Variants in STAU2 observed in about 807,000 individuals in gnomAD.
STAU2 encodes the protein staufen double-stranded RNA binding protein 2.
A neutral mutation model predicts 65.9 loss-of-function variants in STAU2; 20 were observed. That is an observed-to-expected ratio of 0.30 (90% confidence interval 0.21 to 0.44). The LOEUF (loss-of-function observed/expected upper bound fraction) is 0.44. Ranked by LOEUF, STAU2 falls within the 20% of genes least tolerant of loss-of-function variation. The pLI is 1.00. For synonymous variants in STAU2, 232 were observed against 233.9 expected (o/e 0.99, Z 0.07); for missense variants, 558 against 683.9 (o/e 0.82, Z 2.05).
chr8:73,713,583 C>T (rs1199209632), intron 3 of STAU2, among the ~76,000 whole-genome samples: 17 of 152,014 alleles, frequency 1.1e-4, no homozygotes, highest in Admixed American at 1.1e-3. Flanking sequence ...AACAAGGGAA[C>T]GTGAGAGACA....
At chr8:73,637,044 C>T (rs1331671984) in intron 6 of STAU2, among the ~76,000 whole-genome samples, 1 of 151,014 alleles carries the variant, frequency 6.6e-6, no homozygotes, top group Non-Finnish European at 1.5e-5. Context: ...GACATAATAG[C>T]CAAAAGGAGA....
intron 8 of STAU2, among the ~76,000 whole-genome samples, chr8:73,614,361 C>T (rs1328022781): frequency 6.6e-6 from 1 of 152,070 alleles, no homozygotes; most frequent in Non-Finnish European, 1.5e-5. Flanking sequence ...GAGTAAGTTG[C>T]TGGAGAAACG....
intron 13 of STAU2, among the ~76,000 whole-genome samples, chr8:73,526,448 T>C (rs183846799): frequency 2.0e-5 from 3 of 152,200 alleles, no homozygotes; most frequent in Non-Finnish European, 4.4e-5. Flanking sequence ...CAAAGTCTTG[T>C]TTGAGTTGGA....
chr8:73,542,983 G>A (rs1013933510), intron 13 of STAU2, among the ~76,000 whole-genome samples: 3 of 152,154 alleles, frequency 2.0e-5, no homozygotes, highest in African/African-American at 7.2e-5. Context: ...GTAAATCAAT[G>A]TTCATAAACA....
chr8:73,584,908 A>T (rs1406474769), intron 11 of STAU2, among the ~76,000 whole-genome samples: 1 of 152,242 alleles, frequency 6.6e-6, no homozygotes, highest in Admixed American at 6.5e-5. Flanking sequence ...CCTGGTGAAC[A>T]GAAAGAAACA....
At chr8:73,727,061 C>T (rs1486024795) in intron 3 of STAU2, among the ~76,000 whole-genome samples, 1 of 152,008 alleles carries the variant, frequency 6.6e-6, no homozygotes, top group Non-Finnish European at 1.5e-5. Context: ...GAAACCCCGT[C>T]TCTACTAAAA....
intron 3 of STAU2, among the ~76,000 whole-genome samples, chr8:73,724,900 C>T (rs973054864): frequency 6.6e-6 from 1 of 152,088 alleles, no homozygotes; most frequent in Non-Finnish European, 1.5e-5. Context: ...GTTGTCCAGG[C>T]TGGTCTTGAA....
At chr8:73,576,489 C>T (rs1279979815) in intron 12 of STAU2, among the ~76,000 whole-genome samples, 1 of 151,572 alleles carries the variant, frequency 6.6e-6, no homozygotes, top group African/African-American at 2.4e-5. Context: ...GGTGGGGCGA[C>T]TACATATAAA....
intron 3 of STAU2, among the ~76,000 whole-genome samples, chr8:73,733,500 C>A (rs183695285): frequency 2.6e-5 from 4 of 152,230 alleles, no homozygotes; most frequent in Non-Finnish European, 4.4e-5. Context: ...CAAAATATAC[C>A]ATACTGGTAA....
chr8:73,747,104 C>T (rs922964526), upstream of STAU2, among the ~76,000 whole-genome samples: 3 of 151,754 alleles, frequency 2.0e-5, no homozygotes, highest in Non-Finnish European at 2.9e-5. Flanking sequence ...TGGCGGCTGC[C>T]GGGCCCCAGC....
chr8:73,659,794 T>A (rs1002034186), intron 6 of STAU2, among the ~76,000 whole-genome samples: 1 of 152,160 alleles, frequency 6.6e-6, no homozygotes, highest in South Asian at 2.1e-4. Flanking sequence ...GTTGTTAAAA[T>A]TTTTAAATAA....
Position 73,709,141 on chromosome 8 carries a change from G to A in STAU2, c.5C>T (p.Ala2Val). M[A>V]NPKEKTAMCL... ...CATTGCAGTTTTCTCTTTTGGGTTT[G>A]CCATTTTATCTTGGAGAGAAGCTGT... The change falls in exon 4 of 15, where the codon GCA becomes GTA. Residue 2 changes from alanine to valine, a missense_variant. By Grantham distance (64) the Ala-to-Val change is moderately conservative (BLOSUM62 0). Coordinates refer to ENST00000524300, the MANE Select transcript of STAU2 (RefSeq NM_001164380.2). 1.3e-6 allele frequency: 2 copies of A among 1,526,154 alleles called. No individual in the cohort carries two copies. Among genetic ancestry groups the A allele is most frequent in the Non-Finnish European group, 1.8e-6 (2 of 1,141,174 alleles). The allele number at this position is 1,526,154 out of a possible 1,614,324, so 94.5% of individuals were successfully genotyped here. A position where few individuals can be genotyped will look rare whatever the true frequency, so the allele number is the denominator to read the frequency against.
chr8:73,724,687 ATATATTTT>A (rs1397636252), intron 3 of STAU2, among the ~76,000 whole-genome samples: 41 of 145,190 alleles, frequency 2.8e-4, no homozygotes, highest in African/African-American at 1.0e-3. Context: ...ATATATATAT[ATATATTTT>A]TTTTTTTTTT....
chr8:73,707,186 A>G (rs1360663544), intron 4 of STAU2, among the ~76,000 whole-genome samples: 2 of 152,196 alleles, frequency 1.3e-5, no homozygotes, highest in Non-Finnish European at 2.9e-5. Context: ...GGCACACAAC[A>G]TTTAAGCAGG....
intron 12 of STAU2, 77 bp from the exon 13 acceptor site, chr8:73,552,396 C>T: frequency 7.7e-7 from 1 of 1,297,170 alleles, no homozygotes; most frequent in Non-Finnish European, 1.0e-6. Context: ...AACTCAATGG[C>T]TTTACTTGGT....
intron 11 of STAU2, among the ~76,000 whole-genome samples, chr8:73,589,674 A>C (rs1221702040): frequency 1.3e-5 from 2 of 152,190 alleles, no homozygotes; most frequent in Non-Finnish European, 2.9e-5. Context: ...GAAATTACTC[A>C]AACTGTTTAA....
chr8:73,478,408 A>G (rs1428281413), intron 13 of STAU2, among the ~76,000 whole-genome samples: 3 of 151,894 alleles, frequency 2.0e-5, no homozygotes, highest in Non-Finnish European at 4.4e-5. Context: ...CCTGGGCTGC[A>G]TGTGGCCCAT....
intron 6 of STAU2, among the ~76,000 whole-genome samples, chr8:73,619,974 CA>C (rs1360589627): frequency 1.3e-5 from 2 of 152,034 alleles, no homozygotes. Flanking sequence ...TTATTATAAA[CA>C]AAGATTAAAA....
At chr8:73,593,401 T>C (rs1810961665) in intron 11 of STAU2, among the ~76,000 whole-genome samples, 1 of 152,244 alleles carries the variant, frequency 6.6e-6, no homozygotes, top group South Asian at 2.1e-4. Flanking sequence ...GTTATATGGT[T>C]AAAATTCCTC....
Sources: gnomAD v4.1 joint callset for allele counts (sites outside exome capture counted in the v4.1 genomes callset) on GRCh38, gnomAD v4.1.1 for gene constraint, MANE v1.5 for transcripts, NCBI Gene and HGNC (gene_info 2026-07-23, HGNC 2026-07-21) for gene names.